The following DOCK2 variants were observed in gnomAD, a reference collection of about 807,000 sequenced individuals.
The protein encoded by DOCK2 is dedicator of cytokinesis protein 2.
A neutral mutation model predicts 248.9 loss-of-function variants in DOCK2; 87 were observed. That is an observed-to-expected ratio of 0.35 (90% CI 0.29 to 0.42). DOCK2 has a LOEUF of 0.42. Among genes scored for constraint, DOCK2 ranks in the 10% least tolerant of loss-of-function variants. DOCK2 has a pLI of 1.00. For synonymous variants in DOCK2, 805 were observed against 821.6 expected (o/e 0.98, Z 0.35); for missense variants, 1,747 against 2,300.2 (o/e 0.76, Z 4.92).
intron 15 of DOCK2, among the ~76,000 whole-genome samples, chr5:169,710,984 A>G (rs1363731116): frequency 1.3e-5 from 2 of 152,158 alleles, no homozygotes; most frequent in Non-Finnish European, 2.9e-5. Flanking sequence ...AGCACCCCAC[A>G]TGATTGTAGC....
chr5:169,669,450 G>A (rs1758918505), intron 3 of DOCK2, 122 bp downstream of exon 3: 2 of 1,058,734 alleles, frequency 1.9e-6, no homozygotes, highest in Admixed American at 3.8e-5. Context: ...TCTCCCTCCT[G>A]TGCCCTGTGC....
chr5:169,685,936 G>A (rs529517021), intron 8 of DOCK2, among the ~76,000 whole-genome samples: 159 of 152,312 alleles, frequency 1.0e-3, no homozygotes, highest in Non-Finnish European at 1.6e-3. Flanking sequence ...CAAGGAATGA[G>A]TTGTGTCAAA....
chr5:169,711,940 T>C lies in DOCK2; in HGVS notation c.1488T>C (p.Ala496=). 1 of 1,613,984 alleles carries C rather than the reference T, an allele frequency of 6.2e-7. No homozygotes were observed. Among genetic ancestry groups the C allele is most frequent in the South Asian group, 1.1e-5 (1 of 91,082 alleles). ...CTCTGTTTCTGTCTGCTGAGGTGGCTGTCCCTATTGAAGACATGCAGAGGA... is the reference window on the plus strand; with the variant it reads ...CTCTGTTTCTGTCTGCTGAGGTGGCCGTCCCTATTGAAGACATGCAGAGGA... ...QPRWMETVKV[A]VPIEDMQRIH... Residue 496 remains alanine, a synonymous_variant, in exon 16 of 52, where the codon GCT becomes GCC. Transcript: ENST00000520908.
At chr5:169,958,642 A>G (rs1413805692) in intron 27 of DOCK2, among the ~76,000 whole-genome samples, 1 of 152,044 alleles carries the variant, frequency 6.6e-6, no homozygotes, top group African/African-American at 2.4e-5. Flanking sequence ...TATAGGAACA[A>G]TGTCACATTT....
At chr5:169,852,777 C>T (rs929283947) in intron 27 of DOCK2, among the ~76,000 whole-genome samples, 1 of 152,202 alleles carries the variant, frequency 6.6e-6, no homozygotes, top group African/African-American at 2.4e-5. Context: ...GCCTTTCAAT[C>T]TTTCCTGCAT....
intron 27 of DOCK2, among the ~76,000 whole-genome samples, chr5:169,958,874 G>T (rs910050392): frequency 6.6e-6 from 1 of 152,054 alleles, no homozygotes; most frequent in Non-Finnish European, 1.5e-5. Context: ...GAGAGTGGGG[G>T]AAAAACCTAG....
chr5:169,916,739 C>T (rs1774894734), intron 27 of DOCK2, among the ~76,000 whole-genome samples: 2 of 151,974 alleles, frequency 1.3e-5, no homozygotes, highest in Non-Finnish European at 2.9e-5. Flanking sequence ...TGCCAGGCAC[C>T]AGTACAAGAA....
At chr5:170,009,626 T>G (rs1349686966) in intron 32 of DOCK2, among the ~76,000 whole-genome samples, 1 of 152,224 alleles carries the variant, frequency 6.6e-6, no homozygotes, top group Non-Finnish European at 1.5e-5. Context: ...GATATTGACT[T>G]TCCTGCAAGT....
chr5:169,711,872 G>T, intron 15 of DOCK2, 63 bp from the exon 16 acceptor site: 5 of 1,574,188 alleles, frequency 3.2e-6, no homozygotes, highest in Non-Finnish European at 4.4e-6. Context: ...AAGTGTGTAG[G>T]GGGGTGCAGT....
chr5:169,963,868 G>A (rs1448195287), intron 27 of DOCK2, among the ~76,000 whole-genome samples: 2 of 152,118 alleles, frequency 1.3e-5, no homozygotes, highest in Non-Finnish European at 2.9e-5. Flanking sequence ...CCTACCCCTA[G>A]ATGCTCTAAT....
chr5:169,845,398 A>C (rs1770245161), intron 27 of DOCK2, among the ~76,000 whole-genome samples: 2 of 152,002 alleles, frequency 1.3e-5, no homozygotes, highest in Non-Finnish European at 2.9e-5. Context: ...CTCTCCCCAC[A>C]TTTAGTGGAC....
intron 1 of DOCK2, among the ~76,000 whole-genome samples, chr5:169,652,875 G>A (rs552665750): frequency 1.3e-5 from 2 of 152,326 alleles, no homozygotes; most frequent in South Asian, 4.1e-4. Context: ...CTTCTGCATA[G>A]GGGTTAGACA....
At chr5:169,838,767 T>C (rs2113324232) in intron 26 of DOCK2, among the ~76,000 whole-genome samples, 1 of 152,238 alleles carries the variant, frequency 6.6e-6, no homozygotes, top group East Asian at 1.9e-4. Flanking sequence ...GTGGCAGAGG[T>C]TCTGTTGGTG....
intron 46 of DOCK2, among the ~76,000 whole-genome samples, chr5:170,070,721 A>T (rs1218263097): frequency 6.6e-6 from 1 of 152,134 alleles, no homozygotes; most frequent in African/African-American, 2.4e-5. Context: ...TGTCACTCTG[A>T]ATCTATACAA....
At chr5:169,702,076 C>A in intron 13 of DOCK2, 1 of 361,294 alleles carries the variant, frequency 2.8e-6, no homozygotes, top group Non-Finnish European at 5.0e-6. Flanking sequence ...TTTGAGTGTC[C>A]CTACTTCCCT....
intron 26 of DOCK2, among the ~76,000 whole-genome samples, chr5:169,804,529 A>T (rs1419942804): frequency 1.3e-5 from 2 of 151,310 alleles, no homozygotes; most frequent in Non-Finnish European, 2.9e-5. Flanking sequence ...GGAAGCCTAC[A>T]CAAAGGAGGT....
At chr5:169,669,169 A>G (rs1758897910) in intron 2 of DOCK2, 119 bp from the exon 3 acceptor site, 1 of 1,213,504 alleles carries the variant, frequency 8.2e-7, no homozygotes, top group African/African-American at 1.5e-5. Context: ...TCTGTACCCA[A>G]GGTCTAAAGC....
chr5:170,014,345 T>G (rs1054755291), intron 32 of DOCK2, among the ~76,000 whole-genome samples: 1 of 152,204 alleles, frequency 6.6e-6, no homozygotes, highest in Non-Finnish European at 1.5e-5. Flanking sequence ...GCCTTCTAAT[T>G]ATAAATGCTT....
At chr5:169,707,621 C>A (rs1321982652) in intron 14 of DOCK2, among the ~76,000 whole-genome samples, 1 of 152,142 alleles carries the variant, frequency 6.6e-6, no homozygotes, top group Non-Finnish European at 1.5e-5. Context: ...ATTATTGTGA[C>A]CTGAACTGAG....
Sources: allele counts gnomAD v4.1 joint callset (sites outside exome capture counted in the v4.1 genomes callset), GRCh38; gene constraint gnomAD v4.1.1; transcripts MANE v1.5; gene names NCBI Gene and HGNC (gene_info 2026-07-23, HGNC 2026-07-21).